The following TLE4 variants were observed in gnomAD, a reference collection of about 807,000 sequenced individuals.
TLE4 encodes the protein transducin-like enhancer protein 4.
Under a neutral mutation model 92.8 loss-of-function variants are expected in TLE4, and 8 were observed. The observed-to-expected ratio is 0.09, with a 90% CI of 0.05 to 0.16. The LOEUF (loss-of-function observed/expected upper bound fraction) is 0.16, where lower values mean the gene tolerates loss of function less well. Among genes scored for constraint, TLE4 ranks in the 10% least tolerant of loss-of-function variants. The pLI, the probability that TLE4 is intolerant of heterozygous loss-of-function variation, is 1.00. For missense variants in TLE4, 675 were observed against 997.6 expected (o/e 0.68, Z 4.36); for synonymous variants, 371 against 374.1 (o/e 0.99, Z 0.10).
chr9:79,572,669 C>T lies in TLE4; in HGVS notation c.-122C>T, dbSNP rs1051637730. 8 of 900,940 alleles carry T rather than the reference C, an allele frequency of 8.9e-6. No individual in the cohort carries two copies. Among genetic ancestry groups the T allele is most frequent in the Non-Finnish European group, 1.3e-5 (8 of 612,670 alleles). The allele number at this position is 900,940 out of a possible 1,614,324, so 55.8% of individuals were successfully genotyped here. On this transcript the variant is annotated 5_prime_UTR_variant, in exon 1 of 20. Transcript: ENST00000376552. ...CGCGAGACCCGGCGGGGGCCGGGAC[C>T]GCCCGAGCCGCCCCTCAGACCGAGC...
At chr9:79,674,394 G>T (rs943855642) in intron 8 of TLE4, among the ~76,000 whole-genome samples, 8 of 152,264 alleles carry the variant, frequency 5.3e-5, no homozygotes, top group African/African-American at 1.7e-4. Flanking sequence ...CTAGGATTCA[G>T]TTAGTCTTCA....
At chr9:79,611,739 T>C (rs2048406871) in intron 4 of TLE4, among the ~76,000 whole-genome samples, 1 of 151,946 alleles carries the variant, frequency 6.6e-6, no homozygotes, top group Admixed American at 6.6e-5. Flanking sequence ...TCACAAAATA[T>C]ACAAGGCACC....
intron 19 of TLE4, 135 bp from the exon 20 acceptor site, chr9:79,724,902 C>T (rs907471484): frequency 7.2e-6 from 3 of 419,366 alleles, no homozygotes; most frequent in Non-Finnish European, 1.4e-5. Context: ...TGTCCATGAC[C>T]ACCTTTCACC....
chr9:79,719,739 G>T (rs544111593), intron 15 of TLE4, among the ~76,000 whole-genome samples: 1 of 152,192 alleles, frequency 6.6e-6, no homozygotes, highest in Admixed American at 6.5e-5. Context: ...ATTAGTGTAC[G>T]TGTGTATCTG....
chr9:79,631,430 C>T (rs2054170005), intron 6 of TLE4, among the ~76,000 whole-genome samples: 1 of 152,128 alleles, frequency 6.6e-6, no homozygotes, highest in Non-Finnish European at 1.5e-5. Flanking sequence ...ACCCATAATT[C>T]ATTGGATTGG....
At chr9:79,575,829 G>A in intron 3 of TLE4, 1 of 247,220 alleles carries the variant, frequency 4.0e-6, no homozygotes, top group Admixed American at 5.6e-5. Flanking sequence ...GAGTCCGTAG[G>A]ATACCAAATT....
rs1370842907 is a variant in TLE4, at chr9:79,641,127, A to T, written c.391-11466A>T. ...AAAAGAACTTTAAAACTTAAAAAAA[A>T]AAAACAGGAAGAATCTTTTTTTTTT... On this transcript the variant is annotated intron_variant, in intron 6 of 19. Coordinates refer to ENST00000376552, the MANE Select transcript of TLE4 (RefSeq NM_007005.6). Among the ~76,000 whole-genome samples, 8 of 150,434 alleles carry T rather than the reference A, an allele frequency of 5.3e-5. 1 individual carries two copies. Among genetic ancestry groups the T allele is most frequent in the Non-Finnish European group, 4.4e-5 (3 of 67,632 alleles).
intron 5 of TLE4, among the ~76,000 whole-genome samples, chr9:79,621,883 G>T (rs1168511206): frequency 6.6e-6 from 1 of 152,136 alleles, no homozygotes; most frequent in Non-Finnish European, 1.5e-5. Flanking sequence ...AGCCAAAAGG[G>T]CATTTGGTCC....
intron 6 of TLE4, among the ~76,000 whole-genome samples, chr9:79,630,193 T>A (rs566082532): frequency 6.6e-6 from 1 of 152,350 alleles, no homozygotes; most frequent in Non-Finnish European, 1.5e-5. Flanking sequence ...AGCACCTTTT[T>A]AACTCTGCAA....
intron 4 of TLE4, among the ~76,000 whole-genome samples, chr9:79,577,406 T>C (rs1372275666): frequency 6.6e-6 from 1 of 152,190 alleles, no homozygotes; most frequent in Non-Finnish European, 1.5e-5. Flanking sequence ...TCAGATACTG[T>C]TTTACTTTGT....
In TLE4 at chr9:79,585,871, C is replaced by T. The variant is rs560918334; in HGVS notation, c.252+9694C>T. ...CGTCCTGTGGATGAACACAGTGAGACGCAGATGTTAGATGACAAAGTTCTT... is the reference window on the plus strand; with the variant it reads ...CGTCCTGTGGATGAACACAGTGAGATGCAGATGTTAGATGACAAAGTTCTT... On this transcript the variant is annotated intron_variant, in intron 4 of 19. Coordinates refer to ENST00000376552, the MANE Select transcript of TLE4 (RefSeq NM_007005.6). Among the ~76,000 whole-genome samples, 9 of 150,604 alleles carry T rather than the reference C, an allele frequency of 6.0e-5. 1 individual carries two copies. Among genetic ancestry groups the T allele is most frequent in the South Asian group, 4.3e-4 (2 of 4,670 alleles).
At chr9:79,597,019 A>C (rs1564251128) in intron 4 of TLE4, among the ~76,000 whole-genome samples, 1 of 152,186 alleles carries the variant, frequency 6.6e-6, no homozygotes, top group East Asian at 1.9e-4. Context: ...AAATCTTGAC[A>C]CGAGCCTGTG....
At chr9:79,701,508 A>G (rs2069865459) in intron 8 of TLE4, among the ~76,000 whole-genome samples, 1 of 152,252 alleles carries the variant, frequency 6.6e-6, no homozygotes, top group Non-Finnish European at 1.5e-5. Context: ...ATAACTTTCA[A>G]TAGAATATAG....
chr9:79,709,217 T>C (rs2135991181), intron 13 of TLE4, among the ~76,000 whole-genome samples: 1 of 152,336 alleles, frequency 6.6e-6, no homozygotes, highest in African/African-American at 2.4e-5. Flanking sequence ...GTGATTATAA[T>C]CTTGAGGTCC....
intron 5 of TLE4, 24 bp downstream of exon 5, chr9:79,612,742 T>C: frequency 6.2e-7 from 1 of 1,609,916 alleles, no homozygotes; most frequent in Non-Finnish European, 8.5e-7. Context: ...TTTTAGGCAC[T>C]GGACTAGAAG....
chr9:79,657,657 A>T (rs974372182), intron 8 of TLE4, among the ~76,000 whole-genome samples: 1 of 152,162 alleles, frequency 6.6e-6, no homozygotes, highest in Non-Finnish European at 1.5e-5. Flanking sequence ...GAGGGTAATG[A>T]TTCAGAGCTG....
chr9:79,703,788 C>T (rs1334256740), intron 8 of TLE4, among the ~76,000 whole-genome samples: 2 of 152,152 alleles, frequency 1.3e-5, no homozygotes, highest in Non-Finnish European at 2.9e-5. Flanking sequence ...AGGAATAATA[C>T]GCATTTCTGC....
intron 14 of TLE4, among the ~76,000 whole-genome samples, chr9:79,710,180 C>G (rs1366873331): frequency 6.6e-6 from 1 of 152,180 alleles, no homozygotes; most frequent in Non-Finnish European, 1.5e-5. Context: ...TTCACAGATT[C>G]CTTGAGTTAG....
intron 6 of TLE4, among the ~76,000 whole-genome samples, chr9:79,648,856 A>G (rs1333367065): frequency 6.6e-6 from 1 of 152,194 alleles, no homozygotes; most frequent in Non-Finnish European, 1.5e-5. Flanking sequence ...ACAAAAAGTT[A>G]GAATGGGGGT....
Sources: allele counts gnomAD v4.1 joint callset (sites outside exome capture counted in the v4.1 genomes callset), GRCh38; gene constraint gnomAD v4.1.1; transcripts MANE v1.5; gene names NCBI Gene and HGNC (gene_info 2026-07-23, HGNC 2026-07-21).